The following NALCN variants were observed in gnomAD, a reference collection of about 807,000 sequenced individuals.
NALCN encodes the protein sodium leak channel NALCN.
A neutral mutation model predicts 225.3 loss-of-function variants in NALCN; 111 were observed. The ratio of observed to expected loss-of-function variants is 0.49; its 90% CI spans 0.42 to 0.58. The LOEUF (loss-of-function observed/expected upper bound fraction) is 0.58. Ranked by LOEUF, NALCN falls within the 20% of genes least tolerant of loss-of-function variation. The pLI is 0.00. For missense variants in NALCN, 1,378 were observed against 2,202.4 expected (o/e 0.63, Z 7.49); for synonymous variants, 764 against 769.0 (o/e 0.99, Z 0.11).
chr13:101,120,695 G>C (rs2035934048), intron 18 of NALCN, among the ~76,000 whole-genome samples: 1 of 152,186 alleles, frequency 6.6e-6, no homozygotes, highest in South Asian at 2.1e-4. Flanking sequence ...TCAAGAAGGA[G>C]AATGAAAATA....
At chr13:101,067,559 G>A (rs1289555) in intron 39 of NALCN, among the ~76,000 whole-genome samples, 7,139 of 152,242 alleles carry the variant, frequency 0.047, 530 homozygotes, top group African/African-American at 0.16. Context: ...TGGGATTGCT[G>A]CTTGAGTTTG....
chr13:101,081,463 G>T (rs2033645401), intron 34 of NALCN, 64 bp downstream of exon 34: 3 of 1,607,802 alleles, frequency 1.9e-6, no homozygotes, highest in Admixed American at 3.4e-5. Flanking sequence ...ACTGGAAACA[G>T]GACTGAGCAG....
chr13:101,375,667 T>C (rs1353724078), intron 6 of NALCN, among the ~76,000 whole-genome samples: 1 of 152,230 alleles, frequency 6.6e-6, no homozygotes, highest in Non-Finnish European at 1.5e-5. Context: ...TTCTAAGATT[T>C]GAATCAAGAT....
At chr13:101,142,772 G>C (rs1038621597) in intron 17 of NALCN, 2 of 374,428 alleles carry the variant, frequency 5.3e-6, no homozygotes, top group Non-Finnish European at 1.0e-5. Context: ...ATTACACCTG[G>C]ACTGAGCCTT....
chr13:101,360,021 A>G (rs1036198264), intron 6 of NALCN, among the ~76,000 whole-genome samples: 12 of 152,094 alleles, frequency 7.9e-5, no homozygotes, highest in African/African-American at 2.9e-4. Flanking sequence ...ATGTAATAAA[A>G]GAAATAAGAT....
At chr13:101,100,304 T>C (rs1366232626) in intron 27 of NALCN, among the ~76,000 whole-genome samples, 1 of 152,168 alleles carries the variant, frequency 6.6e-6, no homozygotes. Flanking sequence ...CAAGGGAAAG[T>C]ATCCAAAGCT....
chr13:101,060,968 A>G (rs939682136), intron 41 of NALCN, among the ~76,000 whole-genome samples: 2 of 152,190 alleles, frequency 1.3e-5, no homozygotes, highest in Non-Finnish European at 2.9e-5. Flanking sequence ...TTCTCCTCCA[A>G]TAGAAATACA....
chr13:101,258,323 T>C (rs1195779572), intron 11 of NALCN, 120 bp downstream of exon 11: 1 of 1,389,276 alleles, frequency 7.2e-7, no homozygotes, highest in Middle Eastern at 2.6e-4. Flanking sequence ...AGACAATGAT[T>C]CAGCTTTGGT....
At position 101,125,940 on chromosome 13, in the gene NALCN, G is replaced by A. The variant is rs373734842; in HGVS notation, c.2119-1259C>T. On this transcript the variant is annotated intron_variant, in intron 17 of 43. Transcript: ENST00000251127. ...CATACTGTGTGTCAAACAAAGTTGAGGGGGGAAAGAAAACCCTCAGAAGAC... is the reference window on the plus strand; with the variant it reads ...CATACTGTGTGTCAAACAAAGTTGAAGGGGGAAAGAAAACCCTCAGAAGAC... Among the ~76,000 whole-genome samples the A allele has an allele frequency of 1.2e-4, 18 of 152,222 alleles. No individual in the cohort carries two copies. In the East Asian group the frequency reaches 3.3e-3, roughly 28 times the overall value.
At chr13:101,333,745 G>A (rs1425171322) in intron 7 of NALCN, among the ~76,000 whole-genome samples, 1 of 152,176 alleles carries the variant, frequency 6.6e-6, no homozygotes, top group East Asian at 1.9e-4. Context: ...CTGATTAGTT[G>A]ATAAAACGGA....
In NALCN at chr13:101,104,680, A is replaced by G; in HGVS notation, c.2637-30T>C. On this transcript the variant is annotated intron_variant, in intron 23 of 43. Coordinates refer to ENST00000251127, the MANE Select transcript of NALCN (RefSeq NM_052867.4). This position sits in a 1 kb window ranked among gnomAD's most constrained non-coding sequence, Gnocchi z 4.2. Reference sequence around the variant, plus strand: ...CAAAGACCAAACAAAATTGAGAAACATAAAGGTTCCAGGAAAGGCTTCTAA... The same window carrying G: ...CAAAGACCAAACAAAATTGAGAAACGTAAAGGTTCCAGGAAAGGCTTCTAA... 6.2e-7 allele frequency: 1 copy of G among 1,613,056 alleles called. No individual in the cohort carries two copies. Among genetic ancestry groups the G allele is most frequent in the Non-Finnish European group, 8.5e-7 (1 of 1,179,386 alleles).
At chr13:101,093,902 C>T (rs753711380) in intron 28 of NALCN, among the ~76,000 whole-genome samples, 54 of 152,164 alleles carry the variant, frequency 3.5e-4, no homozygotes, top group Admixed American at 2.0e-3. Context: ...TCCACTCATC[C>T]TCTTCAGGCC....
intron 1 of NALCN, among the ~76,000 whole-genome samples, chr13:101,401,477 A>T (rs1452579323): frequency 6.6e-6 from 1 of 152,188 alleles, no homozygotes; most frequent in Non-Finnish European, 1.5e-5. Context: ...AGATTATATA[A>T]GGAATTTTAG....
intron 10 of NALCN, among the ~76,000 whole-genome samples, chr13:101,263,227 A>G (rs1169073072): frequency 4.6e-5 from 7 of 152,208 alleles, no homozygotes; most frequent in Non-Finnish European, 5.9e-5. Flanking sequence ...AGGTAATACA[A>G]AAATCAAATT....
At chr13:101,180,542 C>T (rs2039163314) in intron 14 of NALCN, 1 of 159,216 alleles carries the variant, frequency 6.3e-6, no homozygotes, top group Admixed American at 5.9e-5. Flanking sequence ...GTTCCCACAA[C>T]ACATGTATTA....
At chr13:101,291,881 C>G in intron 9 of NALCN, 109 bp downstream of exon 9, 2 of 1,080,074 alleles carry the variant, frequency 1.9e-6, no homozygotes, top group Non-Finnish European at 2.8e-6. Flanking sequence ...CTTCCTGAGT[C>G]AGACTATAGA....
intron 10 of NALCN, among the ~76,000 whole-genome samples, chr13:101,260,911 C>T (rs776394623): frequency 5.9e-5 from 9 of 152,010 alleles, no homozygotes; most frequent in Non-Finnish European, 1.2e-4. Context: ...CTTTGGTTGC[C>T]GGTGCTTATG....
chr13:101,090,393 C>A (rs966091938), intron 28 of NALCN, among the ~76,000 whole-genome samples: 1 of 152,150 alleles, frequency 6.6e-6, no homozygotes, highest in Non-Finnish European at 1.5e-5. Context: ...AGTTTTGTAA[C>A]TGAAAATCTT....
At chr13:101,210,139 C>T (rs2040466410) in intron 13 of NALCN, among the ~76,000 whole-genome samples, 1 of 152,120 alleles carries the variant, frequency 6.6e-6, no homozygotes, top group South Asian at 2.1e-4. Context: ...AGGATGCAGC[C>T]CATTAGCTTC....
Sources: gnomAD v4.1 joint callset for allele counts (sites outside exome capture counted in the v4.1 genomes callset) on GRCh38, gnomAD v4.1.1 for gene constraint, Gnocchi (gnomAD v3.1) non-coding constraint, MANE v1.5 for transcripts, NCBI Gene and HGNC (gene_info 2026-07-23, HGNC 2026-07-21) for gene names.